Variants in MTCL2 observed in about 807,000 individuals in gnomAD.
MTCL2 encodes microtubule cross-linking factor 2.
At chr20:36,833,673 A>AC in the MTCL2 span, among the ~76,000 whole-genome samples, 2 of 151,912 alleles carry the variant, frequency 1.3e-5, no homozygotes, top group Admixed American at 1.3e-4. Context: ...AAATAGGGAG[A>AC]CCCCCATCTC....
the MTCL2 span, among the ~76,000 whole-genome samples, chr20:36,791,279 C>T: frequency 6.6e-6 from 1 of 151,832 alleles, no homozygotes. Context: ...GTGATCCACC[C>T]GCCTCGGCCT....
At chr20:36,801,272 T>A in the MTCL2 span, among the ~76,000 whole-genome samples, 1 of 152,022 alleles carries the variant, frequency 6.6e-6, no homozygotes, top group African/African-American at 2.4e-5. Flanking sequence ...AGATAACAAA[T>A]CATAGTATCT....
At chr20:36,804,861 C>A in the MTCL2 span, 4 of 1,613,832 alleles carry the variant, frequency 2.5e-6, no homozygotes, top group Non-Finnish European at 3.4e-6. Flanking sequence ...GCTCCTTCAG[C>A]GTCACCTTCA....
the MTCL2 span, among the ~76,000 whole-genome samples, chr20:36,832,751 G>A: frequency 6.6e-6 from 1 of 152,290 alleles, no homozygotes; most frequent in South Asian, 2.1e-4. Flanking sequence ...GCTGAGGCAG[G>A]AGAATTGCTT....
chr20:36,786,255 C>T, the MTCL2 span: 4 of 1,222,100 alleles, frequency 3.3e-6, no homozygotes, highest in East Asian at 3.7e-5. Flanking sequence ...GGTCTCTCTC[C>T]CACTCACTGC....
the MTCL2 span, chr20:36,793,156 C>T: frequency 4.8e-4 from 668 of 1,396,652 alleles, 3 homozygotes; most frequent in African/African-American, 7.0e-3. This position sits in a 1 kb window ranked among gnomAD's most constrained non-coding sequence, Gnocchi z 6.8. Context: ...CCACCCACCT[C>T]GGCCCATATC....
At chr20:36,839,967 T>G in the MTCL2 span, among the ~76,000 whole-genome samples, 1 of 152,038 alleles carries the variant, frequency 6.6e-6, no homozygotes, top group Non-Finnish European at 1.5e-5. This position sits in a 1 kb window ranked among gnomAD's most constrained non-coding sequence, Gnocchi z 5.1. Context: ...CTTCAAGCGA[T>G]TCTCCCTGCC....
At chr20:36,862,855 G>A in the MTCL2 span, 6 of 1,241,642 alleles carry the variant, frequency 4.8e-6, no homozygotes, top group African/African-American at 7.9e-5. Context: ...TGCGCGGAGG[G>A]CGCGGGCTGG....
At chr20:36,784,565 C>T in the MTCL2 span, 3 of 985,474 alleles carry the variant, frequency 3.0e-6, no homozygotes, top group Non-Finnish European at 3.6e-6. Flanking sequence ...CTCTGGGTCC[C>T]CAGTCAGTTA....
chr20:36,838,621 C>T, the MTCL2 span, among the ~76,000 whole-genome samples: 2 of 152,126 alleles, frequency 1.3e-5, no homozygotes, highest in African/African-American at 4.8e-5. Context: ...CCCCATGGAA[C>T]TGTGCGGGGA....
the MTCL2 span, chr20:36,804,878 C>T: frequency 5.6e-6 from 9 of 1,613,782 alleles, no homozygotes; most frequent in South Asian, 9.9e-5. Flanking sequence ...TTCATGTCGG[C>T]CAGTGTCTTG....
At chr20:36,798,473 G>A in the MTCL2 span, among the ~76,000 whole-genome samples, 1 of 152,242 alleles carries the variant, frequency 6.6e-6, no homozygotes, top group South Asian at 2.1e-4. Context: ...AGGTTGGGCA[G>A]CTGACTGAGT....
chr20:36,791,673 G>T, the MTCL2 span, among the ~76,000 whole-genome samples: 3 of 152,200 alleles, frequency 2.0e-5, no homozygotes, highest in African/African-American at 7.2e-5. Flanking sequence ...ACAGGGATTT[G>T]TGTCAGTCTC....
the MTCL2 span, chr20:36,815,855 G>C: frequency 6.2e-7 from 1 of 1,602,716 alleles, no homozygotes; most frequent in Non-Finnish European, 8.5e-7. This position sits in a 1 kb window ranked among gnomAD's most constrained non-coding sequence, Gnocchi z 5.3. Context: ...GCTCGGCAGA[G>C]GAGCGCCGCA....
the MTCL2 span, chr20:36,796,804 G>A: frequency 7.0e-7 from 1 of 1,418,670 alleles, no homozygotes; most frequent in Non-Finnish European, 9.9e-7. Context: ...AGTGGGTGCA[G>A]GGCGCAGCAG....
At chr20:36,808,403 G>T in the MTCL2 span, 2 of 807,742 alleles carry the variant, frequency 2.5e-6, no homozygotes, top group East Asian at 2.7e-5. Context: ...CCTGCATGCT[G>T]ATGGCAGGTA....
the MTCL2 span, among the ~76,000 whole-genome samples, chr20:36,809,271 G>A: frequency 2.8e-4 from 42 of 152,346 alleles, 1 homozygote; most frequent in South Asian, 5.2e-3. Context: ...CTGCAAAATG[G>A]TGATAAGGGA....
chr20:36,802,404 G>A, the MTCL2 span, among the ~76,000 whole-genome samples: 2 of 152,162 alleles, frequency 1.3e-5, no homozygotes, highest in Admixed American at 6.5e-5. Context: ...GGGGAGTGAG[G>A]GTCAATGATT....
the MTCL2 span, among the ~76,000 whole-genome samples, chr20:36,809,421 G>A: frequency 6.6e-6 from 1 of 152,082 alleles, no homozygotes; most frequent in South Asian, 2.1e-4. Context: ...TTCATAAATG[G>A]GAAACTGAGG....
Sources: gnomAD v4.1 joint callset for allele counts (sites outside exome capture counted in the v4.1 genomes callset) on GRCh38, gnomAD v4.1.1 for gene constraint, Gnocchi (gnomAD v3.1) non-coding constraint, MANE v1.5 for transcripts, NCBI Gene and HGNC (gene_info 2026-07-23, HGNC 2026-07-21) for gene names.